CHRM3: variants seen among roughly 807,000 people sequenced by gnomAD.
CHRM3 encodes cholinergic receptor muscarinic 3.
CHRM3 carries 11 observed loss-of-function variants against 41.8 expected under a neutral mutation model. The observed-to-expected ratio is 0.26, with a 90% CI of 0.17 to 0.44. The LOEUF is 0.44. Ranked by LOEUF, CHRM3 falls within the 20% of genes least tolerant of loss-of-function variation. CHRM3 has a pLI of 1.00. For missense variants in CHRM3, 571 were observed against 745.4 expected, an observed-to-expected ratio of 0.77 and a Z score of 2.72; for synonymous variants, 297 against 301.4, an observed-to-expected ratio of 0.99 and a Z score of 0.15.
intron 2 of CHRM3, among the ~76,000 whole-genome samples, chr1:239,504,590 T>A (rs1226722364): frequency 6.6e-6 from 1 of 152,166 alleles, no homozygotes; most frequent in Non-Finnish European, 1.5e-5. Context: ...AAAGAAGTCA[T>A]AATATGAAAG....
intron 3 of CHRM3, among the ~76,000 whole-genome samples, chr1:239,607,311 T>G (rs1422480329): frequency 6.6e-6 from 1 of 152,146 alleles, no homozygotes; most frequent in Admixed American, 6.6e-5. Context: ...GTGCTTAGAA[T>G]AAAGCCTAGC....
At chr1:239,399,176 T>C (rs1659747174) in intron 1 of CHRM3, among the ~76,000 whole-genome samples, 1 of 152,142 alleles carries the variant, frequency 6.6e-6, no homozygotes, top group Non-Finnish European at 1.5e-5. Context: ...AGGCTTCAGA[T>C]TTTCAGACAA....
At position 239,610,814 on chromosome 1, in the gene CHRM3, G is replaced by A. The variant is rs546489075; in HGVS notation, c.-312-21410G>A. On this transcript the variant is annotated intron_variant, in intron 3 of 6. Coordinates refer to ENST00000676153, the MANE Select transcript of CHRM3 (RefSeq NM_001375978.1). ...CATGCCTGTAATCCCAGCACTTTGG[G>A]AGGCTGAGGGGGGCGGATCATGAGG... is the stretch of plus-strand genomic sequence containing the variant. 2.0e-5 allele frequency among the ~76,000 whole-genome samples: 3 copies of A among 152,288 alleles called. No individual in the cohort carries two copies. In the South Asian group the frequency reaches 6.2e-4, roughly 32 times the overall value.
At chr1:239,441,725 G>GACTTTCTCAGGTGGTTAAT (rs139869021) in intron 1 of CHRM3, among the ~76,000 whole-genome samples, 6,806 of 152,236 alleles carry the variant, frequency 0.045, 492 homozygotes, top group African/African-American at 0.15. Flanking sequence ...GACTGGGAAA[G>GACTTTCTCAGGTGGTTAAT]GCTTTTGCCA....
rs1190376439 is a variant in CHRM3, at chr1:239,746,794, G to A, written c.-147+68506G>A. On this transcript the variant is annotated intron_variant, in intron 5 of 6. Transcript: ENST00000676153. ...TTTTTTTGAGACAGAGTTTCGCTCT[G>A]TCACCCAGGCTGGAGTGCAGTGGCA... is the stretch of plus-strand genomic sequence containing the variant. 2.0e-5 allele frequency among the ~76,000 whole-genome samples: 3 copies of A among 151,406 alleles called. No homozygotes were observed. In the East Asian group the frequency reaches 5.8e-4, roughly 29 times the overall value.
At chr1:239,506,145 C>A (rs2148166515) in intron 2 of CHRM3, among the ~76,000 whole-genome samples, 1 of 152,272 alleles carries the variant, frequency 6.6e-6, no homozygotes, top group Non-Finnish European at 1.5e-5. Context: ...AAAAAAATCT[C>A]ATTTTCTGAG....
chr1:239,425,217 T>C lies in CHRM3; in HGVS notation c.-521+37990T>C, dbSNP rs138598818. Among the ~76,000 whole-genome samples the C allele has an allele frequency of 9.4e-3, 1,425 of 152,304 alleles. 21 individuals are homozygous for C. The highest frequency in any genetic ancestry group is 0.032 in the African/African-American group (1,349 of 41,560). ...GCAGGACTCAGTCTGTTGGGCCACA[T>C]AGATCAAACCCAATACCTATGCTCA... On this transcript the variant is annotated intron_variant, in intron 1 of 6. Coordinates refer to ENST00000676153, the MANE Select transcript of CHRM3 (RefSeq NM_001375978.1).
intron 5 of CHRM3, among the ~76,000 whole-genome samples, chr1:239,813,090 C>G (rs2148992621): frequency 6.6e-6 from 1 of 152,210 alleles, no homozygotes; most frequent in East Asian, 1.9e-4. Context: ...CCAGCCTGGC[C>G]AATACGGTGA....
intron 1 of CHRM3, among the ~76,000 whole-genome samples, chr1:239,421,883 C>A (rs1661980972): frequency 6.6e-6 from 1 of 151,762 alleles, no homozygotes; most frequent in African/African-American, 2.4e-5. Context: ...ATGCTTAATT[C>A]TTTTCTTTTC....
chr1:239,455,943 C>T (rs907965182), intron 1 of CHRM3, among the ~76,000 whole-genome samples: 1 of 152,124 alleles, frequency 6.6e-6, no homozygotes, highest in Non-Finnish European at 1.5e-5. Context: ...AGGAAGAAGG[C>T]TTTAATCGGG....
chr1:239,452,929 T>C (rs985301810), intron 1 of CHRM3, among the ~76,000 whole-genome samples: 1 of 151,994 alleles, frequency 6.6e-6, no homozygotes. Context: ...GCCTCCCGAG[T>C]AGCTGGGACT....
intron 1 of CHRM3, among the ~76,000 whole-genome samples, chr1:239,394,653 AAC>A (rs1375517962): frequency 2.0e-5 from 3 of 152,310 alleles, no homozygotes; most frequent in African/African-American, 7.2e-5. Context: ...TTGAGAAATT[AAC>A]ACTCACCAGG....
At chr1:239,571,333 CA>C (rs145685008) in intron 3 of CHRM3, among the ~76,000 whole-genome samples, 3,209 of 152,178 alleles carry the variant, frequency 0.021, 57 homozygotes, top group Non-Finnish European at 0.034. Flanking sequence ...GGAAACAGTG[CA>C]AAAAATATTT....
chr1:239,840,493 A>G (rs1244586073), intron 6 of CHRM3, among the ~76,000 whole-genome samples: 1 of 152,224 alleles, frequency 6.6e-6, no homozygotes, highest in Non-Finnish European at 1.5e-5. Flanking sequence ...ACACAAAAAA[A>G]TTCAATTCTG....
rs570390310 is a variant in CHRM3, at chr1:239,889,803, C to G, written c.-19-17630C>G. Among the ~76,000 whole-genome samples the G allele has an allele frequency of 4.6e-5, 7 of 152,254 alleles. 1 individual carries two copies. The South Asian group carries it at 1.5e-3, about 32-fold the overall frequency. ...AAATGACAGTCTTCCCAGAGAGCAT[C>G]AGGCATAATGATGGTGGTGAGAGAG... On this transcript the variant is annotated intron_variant, in intron 6 of 6. Coordinates refer to ENST00000676153, the MANE Select transcript of CHRM3 (RefSeq NM_001375978.1).
chr1:239,560,353 A>T (rs1352170504), intron 3 of CHRM3, among the ~76,000 whole-genome samples: 1 of 152,118 alleles, frequency 6.6e-6, no homozygotes, highest in Non-Finnish European at 1.5e-5. Flanking sequence ...CATATGTTGT[A>T]ATCTTAAAAA....
intron 5 of CHRM3, among the ~76,000 whole-genome samples, chr1:239,825,918 C>G (rs1022947145): frequency 6.6e-5 from 10 of 152,016 alleles, no homozygotes; most frequent in African/African-American, 2.4e-4. Flanking sequence ...CATAGATGAA[C>G]CTTGAGAACA....
intron 5 of CHRM3, among the ~76,000 whole-genome samples, chr1:239,787,281 G>C (rs544205261): frequency 6.6e-6 from 1 of 152,262 alleles, no homozygotes; most frequent in African/African-American, 2.4e-5. Context: ...GAAGATGTCT[G>C]ATATGAAAGA....
intron 2 of CHRM3, among the ~76,000 whole-genome samples, chr1:239,514,728 C>A (rs1043024440): frequency 2.0e-5 from 3 of 152,034 alleles, no homozygotes; most frequent in African/African-American, 7.2e-5. Flanking sequence ...CATCAAGCTT[C>A]TTTTTCAAGT....
Sources: allele counts gnomAD v4.1 joint callset (sites outside exome capture counted in the v4.1 genomes callset), GRCh38; gene constraint gnomAD v4.1.1; transcripts MANE v1.5; gene names NCBI Gene and HGNC (gene_info 2026-07-23, HGNC 2026-07-21).